ATF1: variants seen among roughly 807,000 people sequenced by gnomAD.
ATF1 encodes activating transcription factor 1.
A neutral mutation model predicts 34.7 loss-of-function variants in ATF1; 16 were observed. The observed-to-expected ratio is 0.46, with a 90% CI of 0.31 to 0.70. The LOEUF (loss-of-function observed/expected upper bound fraction) is 0.70, where lower values mean the gene tolerates loss of function less well. Ranked by LOEUF, ATF1 falls within the 30% of genes least tolerant of loss-of-function variation. ATF1 has a pLI of 0.05. For missense variants in ATF1, 255 were observed against 321.6 expected, an observed-to-expected ratio of 0.79 and a Z score of 1.58; for synonymous variants, 105 against 113.1, an observed-to-expected ratio of 0.93 and a Z score of 0.46.
intron 1 of ATF1, among the ~76,000 whole-genome samples, chr12:50,770,729 T>C (rs1940748881): frequency 1.3e-5 from 2 of 152,348 alleles, no homozygotes; most frequent in African/African-American, 4.8e-5. Context: ...ACACTTGTTA[T>C]TAAATTCTGG....
chr12:50,781,042 G>A (rs1377627124), intron 2 of ATF1, among the ~76,000 whole-genome samples: 2 of 151,872 alleles, frequency 1.3e-5, no homozygotes, highest in Non-Finnish European at 2.9e-5. Context: ...AAAAGAAGGT[G>A]GACTTTAAAT....
intron 1 of ATF1, among the ~76,000 whole-genome samples, chr12:50,771,378 C>T (rs1363062035): frequency 3.9e-5 from 6 of 152,124 alleles, no homozygotes; most frequent in Admixed American, 6.5e-5. Context: ...GCTTACTGAA[C>T]GTTTTCTTAC....
chr12:50,766,119 A>G (rs1940628684), intron 1 of ATF1, among the ~76,000 whole-genome samples: 1 of 152,204 alleles, frequency 6.6e-6, no homozygotes, highest in Non-Finnish European at 1.5e-5. Context: ...ACTATAGTGC[A>G]GAAACCCTGA....
At chr12:50,809,777 A>G (rs894189713) in intron 4 of ATF1, among the ~76,000 whole-genome samples, 188 bp downstream of exon 4, 4 of 152,224 alleles carry the variant, frequency 2.6e-5, no homozygotes, top group Admixed American at 6.5e-5. Context: ...GACATAGGCA[A>G]TTATCAATGT....
chr12:50,813,402 A>T (rs1941777128), intron 4 of ATF1, among the ~76,000 whole-genome samples: 1 of 152,136 alleles, frequency 6.6e-6, no homozygotes, highest in Admixed American at 6.5e-5. Context: ...ATTCTATTGA[A>T]TTTTTTCCAT....
intron 1 of ATF1, among the ~76,000 whole-genome samples, chr12:50,771,369 C>CT (rs1370100961): frequency 6.6e-6 from 1 of 152,154 alleles, no homozygotes; most frequent in African/African-American, 2.4e-5. Flanking sequence ...ACAGGACAAG[C>CT]TTACTGAACG....
intron 3 of ATF1, among the ~76,000 whole-genome samples, chr12:50,803,943 G>A (rs542733458): frequency 1.3e-5 from 2 of 152,310 alleles, no homozygotes; most frequent in African/African-American, 4.8e-5. Context: ...GCGCTTGGGA[G>A]AGAGGACAGA....
chr12:50,819,848 A>AAAT lies in ATF1; in HGVS notation c.*70_*72dup. The AAAT allele has an allele frequency of 7.6e-7, 1 of 1,310,720 alleles. No homozygotes were observed. Among genetic ancestry groups the AAAT allele is most frequent in the South Asian group, 1.4e-5 (1 of 69,228 alleles). 81.2% of individuals were successfully genotyped at this position (1,310,720 alleles called of 1,614,324 possible). ...AATGGATTTCCTAGTGGAGTTTTATAAATTAAAAGGTCAAAACTGAAGCTT... is the reference window on the plus strand; with the variant it reads ...AATGGATTTCCTAGTGGAGTTTTATAAATAATTAAAAGGTCAAAACTGAAGCTT... On this transcript the variant is annotated 3_prime_UTR_variant, in exon 7 of 7. Transcript: ENST00000262053.
chr12:50,815,180 T>G (rs1592204857), intron 6 of ATF1, among the ~76,000 whole-genome samples: 1 of 152,162 alleles, frequency 6.6e-6, no homozygotes, highest in East Asian at 1.9e-4. Context: ...CAGGAGGTAT[T>G]CCAGAAGAAG....
At chr12:50,794,482 T>C (rs1460230465) in intron 2 of ATF1, among the ~76,000 whole-genome samples, 1 of 151,620 alleles carries the variant, frequency 6.6e-6, no homozygotes, top group Non-Finnish European at 1.5e-5. Context: ...GGAGAATCAC[T>C]TGAACCCAGG....
chr12:50,795,993 C>T lies in ATF1; in HGVS notation c.178C>T (p.Arg60Trp). 4.3e-6 allele frequency: 7 copies of T among 1,611,814 alleles called. No individual in the cohort carries two copies. Among genetic ancestry groups the T allele is most frequent in the Non-Finnish European group, 5.9e-6 (7 of 1,179,334 alleles). The change falls in exon 3 of 7, where the codon CGG becomes TGG. Residue 60 changes from arginine (R) to tryptophan (W), a missense_variant. Transcript: ENST00000262053. ...SSQKAHGILA[R>W]RPSYRKILKD... ...ACAGAAAGCCCACGGGATCCTAGCA[C>T]GGCGCCCATCTTACAGGTGAGTACT...
chr12:50,799,494 C>T (rs554248220), intron 3 of ATF1, among the ~76,000 whole-genome samples: 1 of 152,134 alleles, frequency 6.6e-6, no homozygotes, highest in East Asian at 1.9e-4. Context: ...TATCAAAGAA[C>T]AAGGAAAAAT....
intron 1 of ATF1, among the ~76,000 whole-genome samples, chr12:50,766,799 C>T (rs1036795913): frequency 2.0e-4 from 31 of 152,094 alleles, no homozygotes; most frequent in African/African-American, 7.5e-4. Context: ...TCTTCAGCTT[C>T]CCCACCCTGC....
At chr12:50,819,258 G>A (rs747420357) in intron 6 of ATF1, among the ~76,000 whole-genome samples, 5 of 152,212 alleles carry the variant, frequency 3.3e-5, no homozygotes, top group Non-Finnish European at 7.3e-5. Flanking sequence ...ATGAACCTCA[G>A]ATGGGCTGAG....
chr12:50,780,383 T>C (rs1291576225), intron 2 of ATF1, 145 bp downstream of exon 2: 46 of 664,618 alleles, frequency 6.9e-5, no homozygotes, highest in Non-Finnish European at 9.4e-5. Context: ...TTGCTCTAGT[T>C]GCCCAGGCTG....
chr12:50,793,365 C>G (rs1356285535), intron 2 of ATF1, among the ~76,000 whole-genome samples: 1 of 152,066 alleles, frequency 6.6e-6, no homozygotes, highest in African/African-American at 2.4e-5. Flanking sequence ...GTGGCTCATA[C>G]CTGTAATCCC....
At chr12:50,801,721 A>G (rs914217341) in intron 3 of ATF1, among the ~76,000 whole-genome samples, 5 of 152,238 alleles carry the variant, frequency 3.3e-5, no homozygotes, top group Admixed American at 3.3e-4. Context: ...CAAAAAACAT[A>G]TGATCATCGC....
intron 1 of ATF1, among the ~76,000 whole-genome samples, chr12:50,766,256 C>A (rs1263019728): frequency 6.6e-6 from 1 of 152,150 alleles, no homozygotes; most frequent in African/African-American, 2.4e-5. Flanking sequence ...GGGTTCGAGG[C>A]CCCTCTTAAT....
intron 3 of ATF1, among the ~76,000 whole-genome samples, chr12:50,796,642 A>G (rs1028125656): frequency 1.3e-5 from 2 of 151,766 alleles, no homozygotes; most frequent in Non-Finnish European, 2.9e-5. Context: ...CGGAGGTTGC[A>G]GTGAGCCGAG....
Sources: allele counts gnomAD v4.1 joint callset (sites outside exome capture counted in the v4.1 genomes callset), GRCh38; gene constraint gnomAD v4.1.1; transcripts MANE v1.5; gene names NCBI Gene and HGNC (gene_info 2026-07-23, HGNC 2026-07-21).